Variants in NCAPD3 observed in about 807,000 individuals in gnomAD.
NCAPD3 encodes the protein non-SMC condensin II complex subunit D3.
A neutral mutation model predicts 182.9 loss-of-function variants in NCAPD3; 105 were observed. The observed-to-expected ratio is 0.57, with a 90% CI of 0.49 to 0.68. The LOEUF is 0.68. Ranked by LOEUF, NCAPD3 falls within the 30% of genes least tolerant of loss-of-function variation. The pLI is 0.00. For missense variants in NCAPD3, 1,944 were observed against 1,837.0 expected, an observed-to-expected ratio of 1.06 and a Z score of -1.07; for synonymous variants, 815 against 679.9, an observed-to-expected ratio of 1.20 and a Z score of -3.09.
chr11:134,153,678 C>T (rs1943330933), intron 32 of NCAPD3: 1 of 427,294 alleles, frequency 2.3e-6, no homozygotes, highest in Admixed American at 3.6e-5. Flanking sequence ...ACCGCCCTGT[C>T]CCACTTACTA....
intron 1 of NCAPD3, 138 bp from the exon 2 acceptor site, chr11:134,220,864 T>C (rs548155930): frequency 3.4e-5 from 25 of 737,216 alleles, no homozygotes; most frequent in Non-Finnish European, 4.4e-5. Context: ...ATAACATAGG[T>C]GTAGCATAAT....
Position 134,178,830 on chromosome 11 carries a change from G to GC in NCAPD3, c.2665dup (p.Ala889GlyfsTer2), listed in dbSNP as rs774963070. On this transcript the variant is annotated frameshift_variant, in exon 21 of 35. Coordinates refer to ENST00000534548, the MANE Select transcript of NCAPD3 (RefSeq NM_015261.3). LOFTEE classifies it high-confidence loss of function. ...GATTTCAAATGCCTTACAGTGGTCA[G>GC]CATCAGCAGACGAAGCCAGGACGGA... 1 of 1,613,956 alleles carries GC rather than the reference G, an allele frequency of 6.2e-7. No individual in the cohort carries two copies. Among genetic ancestry groups the GC allele is most frequent in the African/African-American group, 1.3e-5 (1 of 74,938 alleles).
At chr11:134,164,067 G>A (rs990262000) in intron 27 of NCAPD3, among the ~76,000 whole-genome samples, 2 of 152,212 alleles carry the variant, frequency 1.3e-5, no homozygotes, top group East Asian at 1.9e-4. Flanking sequence ...GGCAAGATAT[G>A]ATCAGAGTCT....
At chr11:134,173,739 C>T (rs1260587979) in intron 24 of NCAPD3, 1 of 152,864 alleles carries the variant, frequency 6.5e-6, no homozygotes, top group Non-Finnish European at 1.5e-5. Flanking sequence ...CCCCAACTCA[C>T]TGTCTGCTTT....
intron 3 of NCAPD3, among the ~76,000 whole-genome samples, 195 bp downstream of exon 3, chr11:134,216,741 A>G (rs185608112): frequency 6.6e-6 from 1 of 152,312 alleles, no homozygotes; most frequent in Non-Finnish European, 1.5e-5. Context: ...CGGATGAAAA[A>G]AAAAAGGGGG....
Position 134,210,435 on chromosome 11 carries a change from T to C in NCAPD3, c.402A>G (p.Val134=). Reference sequence around the variant, plus strand: ...ATTTGTCAAACATCACTGGGTGGAATACTTGATTGGCTACACTGCCTATTC... The same window carrying C: ...ATTTGTCAAACATCACTGGGTGGAACACTTGATTGGCTACACTGCCTATTC... ...LEVPGSVANQ[V]FHPVMFDKCI... The change falls in exon 4 of 35, where the codon GTA becomes GTG. Residue 134 remains valine, a synonymous_variant. Transcript: ENST00000534548. 6.2e-7 allele frequency: 1 copy of C among 1,614,126 alleles called. No homozygotes were observed. The highest frequency in any genetic ancestry group is 8.5e-7 in the Non-Finnish European group (1 of 1,179,938).
chr11:134,192,730 C>CCAGG lies in NCAPD3; in HGVS notation c.2000_2003dup (p.Trp668CysfsTer21). 2.5e-6 allele frequency: 4 copies of CCAGG among 1,614,178 alleles called. No individual in the cohort carries two copies. Among genetic ancestry groups the CCAGG allele is most frequent in the Non-Finnish European group, 3.4e-6 (4 of 1,180,030 alleles). The stretch of plus-strand genomic sequence containing the variant: ...CGGTGGTGAGGAGAGTAAGAAGCGC[C>CCAGG]CAGGCGAGGACCTGGCTGTCGTCCC... On this transcript the variant is annotated frameshift_variant, in exon 16 of 35. Coordinates refer to ENST00000534548, the MANE Select transcript of NCAPD3 (RefSeq NM_015261.3). LOFTEE classifies it high-confidence loss of function.
At chr11:134,216,210 T>C (rs1236405311) in intron 3 of NCAPD3, among the ~76,000 whole-genome samples, 2 of 152,236 alleles carry the variant, frequency 1.3e-5, no homozygotes, top group Non-Finnish European at 2.9e-5. Context: ...GGGCTTTAAA[T>C]ATAAGACCTT....
chr11:134,216,030 AG>A (rs1170190582), intron 3 of NCAPD3, among the ~76,000 whole-genome samples: 3 of 152,200 alleles, frequency 2.0e-5, no homozygotes, highest in Non-Finnish European at 2.9e-5. Context: ...CTTAATCAGA[AG>A]AAACTGCATC....
chr11:134,181,318 C>T (rs1228003579), intron 19 of NCAPD3, 134 bp from the exon 20 acceptor site: 1 of 606,106 alleles, frequency 1.6e-6, no homozygotes, highest in Non-Finnish European at 2.9e-6. Flanking sequence ...TTTCCTCTTT[C>T]CCACAATTTG....
At chr11:134,160,562 A>G (rs1243618098) in intron 28 of NCAPD3, among the ~76,000 whole-genome samples, 1 of 152,182 alleles carries the variant, frequency 6.6e-6, no homozygotes, top group Non-Finnish European at 1.5e-5. Flanking sequence ...ATTCCAACTA[A>G]GGCTCAAATC....
intron 11 of NCAPD3, 84 bp from the exon 12 acceptor site, chr11:134,203,282 A>G: frequency 2.0e-6 from 2 of 1,017,482 alleles, no homozygotes; most frequent in Non-Finnish European, 3.0e-6. Flanking sequence ...AATCAAGATA[A>G]TTAGGCTCAA....
chr11:134,193,009 C>CA (rs1367605838), intron 15 of NCAPD3, 100 bp from the exon 16 acceptor site: 2 of 700,168 alleles, frequency 2.9e-6, no homozygotes, highest in African/African-American at 3.6e-5. Context: ...CCTTCAACTG[C>CA]AAATAGACCA....
rs200642279 is a variant in NCAPD3, at chr11:134,152,936, G to A, written c.*8C>T. ...CCTGCCTGCCTGGACACTGGTGGGA[G>A]GCGCTGTTTAGTTGGCTGTTTTCAG... On this transcript the variant is annotated 3_prime_UTR_variant, in exon 35 of 35. Transcript: ENST00000534548. The A allele has an allele frequency of 7.1e-5, 109 of 1,532,560 alleles. No individual in the cohort carries two copies. In the African/African-American group the frequency reaches 1.1e-3, roughly 16 times the overall value. The allele number at this position is 1,532,560 out of a possible 1,614,324, so 94.9% of individuals were successfully genotyped here.
chr11:134,152,623 TTTAAAGTTGTGTTCC>T lies in NCAPD3; in HGVS notation c.*306_*320del. On this transcript the variant is annotated 3_prime_UTR_variant, in exon 35 of 35. Transcript: ENST00000534548. The stretch of plus-strand genomic sequence containing the variant: ...GATTTATATAAAAGAAAGCTGCAGT[TTTAAAGTTGTGTTCC>T]TTAAAGACCAGATTATAGCTTATCT... 1 of 223,962 alleles carries T rather than the reference TTTAAAGTTGTGTTCC, an allele frequency of 4.5e-6. No homozygotes were observed. The highest frequency in any genetic ancestry group is 8.6e-6 in the Non-Finnish European group (1 of 116,112). The allele number at this position is 223,962 out of a possible 1,614,324, so 13.9% of individuals were successfully genotyped here.
At chr11:134,158,105 C>T (rs1007154873) in intron 30 of NCAPD3, 38 bp from the exon 31 acceptor site, 2 of 1,602,810 alleles carry the variant, frequency 1.2e-6, no homozygotes, top group East Asian at 2.2e-5. Context: ...TTTCTCACTG[C>T]AGACCACTGC....
Position 134,158,320 on chromosome 11 carries a change from G to C in NCAPD3, c.4034+9C>G. Reference sequence around the variant, plus strand: ...ACCAGCCCTGATGTGGCCTCCAGGGGCTCTTTACCTGGCTTTGGGCAGCAA... The same window carrying C: ...ACCAGCCCTGATGTGGCCTCCAGGGCCTCTTTACCTGGCTTTGGGCAGCAA... On this transcript the variant is annotated intron_variant, in intron 30 of 34. Coordinates refer to ENST00000534548, the MANE Select transcript of NCAPD3 (RefSeq NM_015261.3). 3 of 1,613,938 alleles carry C rather than the reference G, an allele frequency of 1.9e-6. No homozygotes were observed. Among genetic ancestry groups the C allele is most frequent in the Non-Finnish European group, 2.5e-6 (3 of 1,179,990 alleles).
At chr11:134,157,839 A>T in intron 31 of NCAPD3, 89 bp downstream of exon 31, 1 of 1,368,294 alleles carries the variant, frequency 7.3e-7, no homozygotes, top group East Asian at 2.3e-5. Context: ...ATAAGAAAAC[A>T]CACCGCTTTG....
At chr11:134,214,856 T>A (rs993082457) in intron 3 of NCAPD3, among the ~76,000 whole-genome samples, 5 of 152,180 alleles carry the variant, frequency 3.3e-5, no homozygotes, top group Non-Finnish European at 7.3e-5. Context: ...GGGAATACTA[T>A]GTAACTTATT....
Sources: gnomAD v4.1 joint callset for allele counts (sites outside exome capture counted in the v4.1 genomes callset) on GRCh38, gnomAD v4.1.1 for gene constraint, MANE v1.5 for transcripts, NCBI Gene and HGNC (gene_info 2026-07-23, HGNC 2026-07-21) for gene names.